TRAPPC10: variants seen among roughly 807,000 people sequenced by gnomAD.
TRAPPC10 encodes trafficking protein particle complex subunit 10, also known as TRAPP 130 kDa subunit.
TRAPPC10 carries 23 observed loss-of-function variants against 125.5 expected under a neutral mutation model. The ratio of observed to expected loss-of-function variants is 0.18; its 90% confidence interval spans 0.13 to 0.26. The LOEUF is 0.26. Ranked by LOEUF, TRAPPC10 falls within the 10% of genes least tolerant of loss-of-function variation. The probability of loss-of-function intolerance (pLI) is 1.00; values close to 1 mark genes in which losing one functional copy is unlikely to be tolerated. For synonymous variants in TRAPPC10, 509 were observed against 518.0 expected, an observed-to-expected ratio of 0.98 and a Z score of 0.24; for missense variants, 1,123 against 1,308.4, an observed-to-expected ratio of 0.86 and a Z score of 2.19.
At chr21:44,065,233 G>A (rs1022131388) in intron 7 of TRAPPC10, among the ~76,000 whole-genome samples, 9 of 152,180 alleles carry the variant, frequency 5.9e-5, no homozygotes, top group African/African-American at 1.9e-4. Context: ...AAATGTGTAA[G>A]TAATAGAGGG....
At position 44,012,559 on chromosome 21, in the gene TRAPPC10, C is replaced by A. The variant is rs551064836; in HGVS notation, c.66C>A (p.Thr22=). Residue 22 remains threonine, a splice_region_variant and synonymous_variant, in exon 1 of 23, where the codon ACC becomes ACA. Coordinates refer to ENST00000291574, the MANE Select transcript of TRAPPC10 (RefSeq NM_003274.5). ...IYTMENKPIV[T]CAGDQNLFTS... is the part of the protein sequence containing the mutation. ...CCATGGAGAACAAGCCCATCGTCACCTGTGAGTGCCCGGAGGCGGGGAGGG... is the reference window on the plus strand; with the variant it reads ...CCATGGAGAACAAGCCCATCGTCACATGTGAGTGCCCGGAGGCGGGGAGGG... 9 of 1,534,998 alleles carry A rather than the reference C, an allele frequency of 5.9e-6. No homozygotes were observed. The East Asian group carries it at 1.2e-4, about 21-fold the overall frequency.
chr21:44,027,408 C>G (rs2033172277), intron 1 of TRAPPC10, among the ~76,000 whole-genome samples: 1 of 152,186 alleles, frequency 6.6e-6, no homozygotes, highest in African/African-American at 2.4e-5. Context: ...GAAATGTTCA[C>G]TCTGTCTGCG....
chr21:44,012,696 C>G, intron 1 of TRAPPC10, 136 bp downstream of exon 1: 1 of 723,508 alleles, frequency 1.4e-6, no homozygotes, highest in Non-Finnish European at 2.1e-6. Context: ...GTGACCAGGG[C>G]TGCGGCTGAG....
At chr21:44,084,383 T>A in intron 15 of TRAPPC10, 120 bp downstream of exon 15, 1 of 1,032,094 alleles carries the variant, frequency 9.7e-7, no homozygotes, top group Non-Finnish European at 1.3e-6. Flanking sequence ...ATATTTTGGG[T>A]AACATAATGG....
chr21:44,044,477 AATT>A (rs2034636945), intron 3 of TRAPPC10, among the ~76,000 whole-genome samples: 1 of 152,046 alleles, frequency 6.6e-6, no homozygotes, highest in Non-Finnish European at 1.5e-5. Flanking sequence ...AAGTAATATG[AATT>A]ATATTACTTG....
At chr21:44,058,800 G>A (rs987854085) in intron 5 of TRAPPC10, among the ~76,000 whole-genome samples, 3 of 152,232 alleles carry the variant, frequency 2.0e-5, no homozygotes, top group Non-Finnish European at 4.4e-5. Flanking sequence ...AGTGAGGGGC[G>A]AGGGGAGCAG....
At chr21:44,065,193 G>A (rs1228058874) in intron 7 of TRAPPC10, among the ~76,000 whole-genome samples, 1 of 152,176 alleles carries the variant, frequency 6.6e-6, no homozygotes, top group Non-Finnish European at 1.5e-5. Context: ...AGGGCTGTTA[G>A]TTTTGTTATT....
Position 44,075,173 on chromosome 21 carries a change from T to G in TRAPPC10, c.1300+20T>G. On this transcript the variant is annotated intron_variant, in intron 9 of 22. Coordinates refer to ENST00000291574, the MANE Select transcript of TRAPPC10 (RefSeq NM_003274.5). ...AAACAGGTACTTTTTTGTATATACC[T>G]GTGTGAGTGGTGAGGTGGACAGTAA... 3.2e-6 allele frequency: 5 copies of G among 1,541,704 alleles called. No individual in the cohort carries two copies. Among genetic ancestry groups the G allele is most frequent in the Non-Finnish European group, 4.5e-6 (5 of 1,115,056 alleles).
chr21:44,064,152 C>T (rs1171998900), intron 7 of TRAPPC10, among the ~76,000 whole-genome samples: 1 of 152,214 alleles, frequency 6.6e-6, no homozygotes. Context: ...TATTTTATTT[C>T]AGACACTTAT....
intron 1 of TRAPPC10, among the ~76,000 whole-genome samples, chr21:44,027,676 G>A (rs1474170094): frequency 6.6e-6 from 1 of 152,202 alleles, no homozygotes; most frequent in African/African-American, 2.4e-5. Context: ...GGCATAGCAG[G>A]CGCACGGTGC....
At chr21:44,094,834 A>G (rs907820448) in intron 20 of TRAPPC10, among the ~76,000 whole-genome samples, 25 of 152,070 alleles carry the variant, frequency 1.6e-4, no homozygotes, top group African/African-American at 5.3e-4. Flanking sequence ...TTACTATTTG[A>G]AATTATCAAA....
chr21:44,089,986 G>A, intron 18 of TRAPPC10, 53 bp downstream of exon 18: 1 of 1,411,316 alleles, frequency 7.1e-7, no homozygotes, highest in South Asian at 1.2e-5. Context: ...ACTCTTCTAA[G>A]TGGAGGTTCC....
intron 7 of TRAPPC10, among the ~76,000 whole-genome samples, chr21:44,072,951 G>A (rs888210726): frequency 2.0e-5 from 3 of 152,228 alleles, no homozygotes; most frequent in Non-Finnish European, 4.4e-5. Flanking sequence ...GCTGTGGTTT[G>A]ACTGATGAGG....
At chr21:44,061,944 T>C (rs1263489525) in intron 6 of TRAPPC10, among the ~76,000 whole-genome samples, 2 of 152,340 alleles carry the variant, frequency 1.3e-5, no homozygotes, top group African/African-American at 2.4e-5. Flanking sequence ...CACAGGTCCA[T>C]GTGCTTGTGA....
At chr21:44,078,020 TA>T (rs2037413168) in intron 11 of TRAPPC10, among the ~76,000 whole-genome samples, 1 of 152,184 alleles carries the variant, frequency 6.6e-6, no homozygotes, top group Non-Finnish European at 1.5e-5. Context: ...TTTAATTAAA[TA>T]TATACATTTT....
Position 44,061,878 on chromosome 21 carries a change from G to A in TRAPPC10, c.791-1660G>A, listed in dbSNP as rs145701701. Among the ~76,000 whole-genome samples the A allele has an allele frequency of 5.2e-3, 788 of 152,298 alleles. 4 individuals carry two copies. The highest frequency in any genetic ancestry group is 0.044 in the Middle Eastern group (13 of 294). The stretch of plus-strand genomic sequence containing the variant: ...ATATCATAGGAGCTTTAAAAGCTGC[G>A]TTTAACCTATACATTCTAACTGAGG... On this transcript the variant is annotated intron_variant, in intron 6 of 22. Transcript: ENST00000291574.
chr21:44,025,824 GTGTGTGTGTGTGTGTGTGT>G (rs2032996093), intron 1 of TRAPPC10, among the ~76,000 whole-genome samples: 1 of 1,534 alleles, frequency 6.5e-4, no homozygotes, highest in African/African-American at 2.3e-3. Flanking sequence ...GGGCAGGGGT[GTGTGTGTGTGTGTGTGTGT>G]GTGTGTGTGT....
At chr21:44,064,269 T>C (rs929780343) in intron 7 of TRAPPC10, among the ~76,000 whole-genome samples, 6 of 152,134 alleles carry the variant, frequency 3.9e-5, no homozygotes, top group African/African-American at 1.4e-4. Context: ...CATTGATTAG[T>C]AGTACGGAGC....
intron 1 of TRAPPC10, among the ~76,000 whole-genome samples, chr21:44,024,947 A>G (rs2032906695): frequency 6.6e-6 from 1 of 152,124 alleles, no homozygotes; most frequent in Non-Finnish European, 1.5e-5. Flanking sequence ...AGCTGCACAC[A>G]CTGTCCCACC....
Sources: gnomAD v4.1 joint callset for allele counts (sites outside exome capture counted in the v4.1 genomes callset) on GRCh38, gnomAD v4.1.1 for gene constraint, MANE v1.5 for transcripts, NCBI Gene and HGNC (gene_info 2026-07-23, HGNC 2026-07-21) for gene names.